DCUN1D4: variants seen among roughly 807,000 people sequenced by gnomAD.
DCUN1D4 encodes the protein defective in cullin neddylation 1 domain containing 4.
A neutral mutation model predicts 47.9 loss-of-function variants in DCUN1D4; 22 were observed. The observed-to-expected ratio is 0.46, with a 90% CI of 0.33 to 0.66. DCUN1D4 has a LOEUF of 0.66. Ranked by LOEUF, DCUN1D4 falls within the 30% of genes least tolerant of loss-of-function variation. The probability of loss-of-function intolerance (pLI) is 0.02; values close to 1 mark genes in which losing one functional copy is unlikely to be tolerated. For synonymous variants in DCUN1D4, 121 were observed against 112.2 expected, an observed-to-expected ratio of 1.08 and a Z score of -0.50; for missense variants, 301 against 340.8, an observed-to-expected ratio of 0.88 and a Z score of 0.92.
intron 4 of DCUN1D4, among the ~76,000 whole-genome samples, chr4:51,875,962 G>A (rs1019829944): frequency 3.3e-5 from 5 of 151,878 alleles, no homozygotes; most frequent in African/African-American, 7.3e-5. Context: ...ACACTTGGCC[G>A]GTATCCACTT....
At chr4:51,901,303 GA>G (rs1732074143) in intron 8 of DCUN1D4, among the ~76,000 whole-genome samples, 1 of 152,154 alleles carries the variant, frequency 6.6e-6, no homozygotes, top group African/African-American at 2.4e-5. Context: ...CCACTTTACA[GA>G]GTAAGAAAGT....
chr4:51,866,044 A>C (rs1312559744), intron 3 of DCUN1D4, among the ~76,000 whole-genome samples: 1 of 152,140 alleles, frequency 6.6e-6, no homozygotes, highest in Non-Finnish European at 1.5e-5. Flanking sequence ...GTCTCTCAGC[A>C]CTTAGATCAG....
intron 3 of DCUN1D4, among the ~76,000 whole-genome samples, chr4:51,865,878 A>G (rs1725829594): frequency 6.6e-6 from 1 of 152,186 alleles, no homozygotes; most frequent in South Asian, 2.1e-4. Context: ...TCACAACTAG[A>G]TAAGCACAAG....
At chr4:51,837,609 C>A in the DCUN1D4 span, among the ~76,000 whole-genome samples, 5 of 122,172 alleles carry the variant, frequency 4.1e-5, no homozygotes, top group African/African-American at 1.6e-4. Context: ...GAGCGGAGAT[C>A]GCGCCACAGC....
At chr4:51,866,636 G>A (rs548495274) in intron 3 of DCUN1D4, among the ~76,000 whole-genome samples, 11 of 152,164 alleles carry the variant, frequency 7.2e-5, no homozygotes, top group Non-Finnish European at 1.5e-4. Context: ...AATAATGCAG[G>A]AATATAACTT....
chr4:51,886,520 T>G, intron 5 of DCUN1D4, 48 bp from the exon 6 acceptor site: 2 of 1,525,506 alleles, frequency 1.3e-6, no homozygotes, highest in Non-Finnish European at 1.8e-6. Context: ...GTGGTAATAG[T>G]ATGGTGTGCA....
At chr4:51,856,053 C>T (rs1724090150) in intron 1 of DCUN1D4, among the ~76,000 whole-genome samples, 1 of 152,198 alleles carries the variant, frequency 6.6e-6, no homozygotes, top group Non-Finnish European at 1.5e-5. Context: ...GTTAGAGAGG[C>T]AGATCCCTAT....
intron 1 of DCUN1D4, chr4:51,844,527 A>G: frequency 2.3e-6 from 1 of 437,578 alleles, no homozygotes; most frequent in Non-Finnish European, 3.0e-6. Flanking sequence ...GGCGCCGGGG[A>G]GGTGTCGGGG....
chr4:51,843,418 C>A, intron 1 of DCUN1D4, 151 bp downstream of exon 1: 1 of 1,240,250 alleles, frequency 8.1e-7, no homozygotes, highest in Non-Finnish European at 1.0e-6. Flanking sequence ...GGGGCCGGGG[C>A]GGGCGGTGAC....
Position 51,843,316 on chromosome 4 carries a change from A to G in DCUN1D4, c.25+49A>G, listed in dbSNP as rs911253135. On this transcript the variant is annotated intron_variant, in intron 1 of 10. Transcript: ENST00000334635. ...CGGGCCGGGGCCGGGCGGCTGCCAA[A>G]CTCGCCACTCGGCTCCCGCAGTCCC... is the stretch of plus-strand genomic sequence containing the variant. The G allele has an allele frequency of 8.7e-6, 13 of 1,492,742 alleles. No homozygotes were observed. In the African/African-American group the frequency reaches 1.5e-4, roughly 17 times the overall value. The allele number at this position is 1,492,742 out of a possible 1,614,324, so 92.5% of individuals were successfully genotyped here. A position where few individuals can be genotyped will look rare whatever the true frequency, so the allele number is the denominator to read the frequency against.
intron 3 of DCUN1D4, among the ~76,000 whole-genome samples, chr4:51,869,773 T>C (rs565552296): frequency 1.0e-3 from 157 of 152,286 alleles, no homozygotes; most frequent in African/African-American, 3.6e-3. Context: ...GTCATAAATA[T>C]TAGGATAGAC....
chr4:51,843,002 T>C (rs774843137), upstream of DCUN1D4: 1,182 of 1,291,728 alleles, frequency 9.2e-4, 1 homozygote, highest in Non-Finnish European at 1.1e-3. Context: ...TATTGGCCAG[T>C]GGGGGGCGGG....
At chr4:51,873,508 C>T (rs1295332762) in intron 3 of DCUN1D4, among the ~76,000 whole-genome samples, 1 of 152,176 alleles carries the variant, frequency 6.6e-6, no homozygotes, top group East Asian at 1.9e-4. Context: ...CCTCCGTTTT[C>T]TTATCTGCAT....
In DCUN1D4 at chr4:51,874,313, T is replaced by C; in HGVS notation, c.179T>C (p.Val60Ala). 6.2e-7 allele frequency: 1 copy of C among 1,613,628 alleles called. No homozygotes were observed. Among genetic ancestry groups the C allele is most frequent in the Non-Finnish European group, 8.5e-7 (1 of 1,179,868 alleles). Residue 60 changes from valine (V) to alanine (A), a missense_variant, in exon 4 of 11, where the codon GTG becomes GCG. Transcript: ENST00000334635. ...SCSSSDCFNK[V>A]MPPRKKRRPA... ...AGTTCTTCAGACTGCTTTAATAAAG[T>C]GATGCCACCAAGGAAAAAGAGAAGA...
intron 1 of DCUN1D4, among the ~76,000 whole-genome samples, chr4:51,852,812 A>G (rs1310513452): frequency 6.6e-6 from 1 of 152,206 alleles, no homozygotes; most frequent in Non-Finnish European, 1.5e-5. Context: ...GGCACAGTGA[A>G]GTTTGGAAGC....
chr4:51,855,635 A>G (rs1724018831), intron 1 of DCUN1D4, among the ~76,000 whole-genome samples: 1 of 152,234 alleles, frequency 6.6e-6, no homozygotes, highest in Non-Finnish European at 1.5e-5. Context: ...TTGTGTGGCT[A>G]GAATGGAGTA....
chr4:51,843,403 C>T, intron 1 of DCUN1D4, 136 bp downstream of exon 1: 2 of 1,291,630 alleles, frequency 1.5e-6, no homozygotes, highest in Non-Finnish European at 2.0e-6. Flanking sequence ...ACCCCTTCCC[C>T]TCCCGGGGCC....
intron 8 of DCUN1D4, among the ~76,000 whole-genome samples, chr4:51,903,897 T>C (rs373068559): frequency 7.9e-5 from 12 of 152,200 alleles, no homozygotes; most frequent in African/African-American, 2.9e-4. Flanking sequence ...TTCGTTGAAT[T>C]TCTAGAACAT....
intron 8 of DCUN1D4, among the ~76,000 whole-genome samples, chr4:51,906,006 A>G (rs1292631597): frequency 1.3e-5 from 2 of 152,106 alleles, no homozygotes; most frequent in Non-Finnish European, 2.9e-5. Flanking sequence ...CTTTCAGGAG[A>G]AGGGGAACGA....
Sources: allele counts gnomAD v4.1 joint callset (sites outside exome capture counted in the v4.1 genomes callset), GRCh38; gene constraint gnomAD v4.1.1; transcripts MANE v1.5; gene names NCBI Gene and HGNC (gene_info 2026-07-23, HGNC 2026-07-21).